The following CLYBL variants were observed in gnomAD, a reference collection of about 807,000 sequenced individuals.
CLYBL encodes citramalyl-CoA lyase.
CLYBL carries 31 observed loss-of-function variants against 38.9 expected under a neutral mutation model. The ratio of observed to expected loss-of-function variants is 0.80; its 90% CI spans 0.60 to 1.08. The LOEUF (loss-of-function observed/expected upper bound fraction) is 1.08. CLYBL is among the 50% of genes least tolerant of loss of function. The pLI is 0.00. For synonymous variants in CLYBL, 171 were observed against 158.6 expected (o/e 1.08, Z -0.59); for missense variants, 434 against 411.6 (o/e 1.05, Z -0.47).
intron 1 of CLYBL, among the ~76,000 whole-genome samples, chr13:99,657,587 T>A (rs2047346933): frequency 6.6e-6 from 1 of 152,098 alleles, no homozygotes; most frequent in African/African-American, 2.4e-5. Context: ...CAGATTGTAG[T>A]TAGATCATAA....
At chr13:99,645,488 ACT>A (rs1320444042) in intron 1 of CLYBL, among the ~76,000 whole-genome samples, 11 of 119,392 alleles carry the variant, frequency 9.2e-5, no homozygotes, top group African/African-American at 3.5e-4. Context: ...ACAGAGCAAG[ACT>A]CTGTCTCAAA....
chr13:99,744,214 C>T (rs1245632357), intron 1 of CLYBL, among the ~76,000 whole-genome samples: 2 of 152,056 alleles, frequency 1.3e-5, no homozygotes, highest in Non-Finnish European at 2.9e-5. Context: ...CCTCGTGATC[C>T]ACCTGCCTCG....
At chr13:99,725,350 C>G (rs539001688) in intron 1 of CLYBL, among the ~76,000 whole-genome samples, 2 of 152,212 alleles carry the variant, frequency 1.3e-5, no homozygotes, top group Non-Finnish European at 2.9e-5. Flanking sequence ...GGGTAAGTTT[C>G]AGGAACTGCT....
intron 1 of CLYBL, among the ~76,000 whole-genome samples, chr13:99,668,305 G>A (rs541340553): frequency 1.1e-4 from 17 of 151,392 alleles, no homozygotes; most frequent in Admixed American, 6.6e-4. Flanking sequence ...GAACACTGGC[G>A]GCCGGGCATG....
intron 1 of CLYBL, among the ~76,000 whole-genome samples, chr13:99,706,237 C>G (rs1393662198): frequency 6.6e-6 from 1 of 152,048 alleles, no homozygotes; most frequent in Non-Finnish European, 1.5e-5. Flanking sequence ...ACGTATTTTG[C>G]CCCAATTTTT....
intron 2 of CLYBL, among the ~76,000 whole-genome samples, chr13:99,845,170 C>G (rs1028351818): frequency 9.2e-5 from 14 of 152,162 alleles, no homozygotes; most frequent in African/African-American, 3.4e-4. Context: ...CTTCATCTCG[C>G]ATGAAGGATA....
intron 1 of CLYBL, among the ~76,000 whole-genome samples, chr13:99,720,775 T>C (rs1247455188): frequency 1.3e-5 from 2 of 152,216 alleles, no homozygotes; most frequent in Non-Finnish European, 2.9e-5. Flanking sequence ...TTTCTCTCTA[T>C]GTGTTCTATA....
Position 99,739,689 on chromosome 13 carries a change from T to C in CLYBL, c.63-33135T>C, listed in dbSNP as rs559284222. Among the ~76,000 whole-genome samples, 5 of 152,330 alleles carry C rather than the reference T, an allele frequency of 3.3e-5. No homozygotes were observed. In the East Asian group the frequency reaches 9.6e-4, roughly 29 times the overall value. ...TTCCATGCCCTAGAAGAACTGTACT[T>C]GTGGCCGGGCATGGTGGCTCACGCC... is the stretch of plus-strand genomic sequence containing the variant. On this transcript the variant is annotated intron_variant, in intron 1 of 8. Transcript: ENST00000339105.
At chr13:99,640,673 A>G (rs2047080335) in intron 1 of CLYBL, among the ~76,000 whole-genome samples, 1 of 152,248 alleles carries the variant, frequency 6.6e-6, no homozygotes, top group African/African-American at 2.4e-5. Flanking sequence ...AAAAGGAAAA[A>G]TTGAGTGTGG....
downstream of CLYBL, chr13:99,896,845 TA>T (rs2052587451): frequency 6.6e-6 from 1 of 152,140 alleles, no homozygotes; most frequent in Non-Finnish European, 1.5e-5. Flanking sequence ...TTGCTGAGAG[TA>T]AAGATGTCGC....
intron 7 of CLYBL, among the ~76,000 whole-genome samples, chr13:99,878,294 T>C (rs764815299): frequency 6.6e-6 from 1 of 152,230 alleles, no homozygotes; most frequent in Non-Finnish European, 1.5e-5. Context: ...AATCTTTCAG[T>C]CTCTTCTAGT....
intron 1 of CLYBL, among the ~76,000 whole-genome samples, chr13:99,663,851 AAG>A (rs1440964303): frequency 8.5e-5 from 13 of 152,204 alleles, no homozygotes; most frequent in East Asian, 1.9e-4. Flanking sequence ...ACCAAAGGGA[AAG>A]AGGGGAAAAT....
intron 1 of CLYBL, among the ~76,000 whole-genome samples, chr13:99,629,717 T>C (rs1042542962): frequency 6.6e-6 from 1 of 152,182 alleles, no homozygotes; most frequent in African/African-American, 2.4e-5. Flanking sequence ...ACAGATGGGA[T>C]TGGGCTGGAG....
intron 1 of CLYBL, among the ~76,000 whole-genome samples, chr13:99,698,158 G>A (rs1013134117): frequency 1.3e-5 from 2 of 151,522 alleles, no homozygotes; most frequent in African/African-American, 2.4e-5. Context: ...TTTTGAAGAC[G>A]TTTTGCCATG....
chr13:99,782,261 C>G (rs893461641), intron 2 of CLYBL, among the ~76,000 whole-genome samples: 1 of 152,170 alleles, frequency 6.6e-6, no homozygotes, highest in Non-Finnish European at 1.5e-5. Flanking sequence ...AATGCCATTA[C>G]TTTGGTAGGC....
At chr13:99,740,103 G>A (rs7989959) in intron 1 of CLYBL, among the ~76,000 whole-genome samples, 95,190 of 152,152 alleles carry the variant, frequency 0.63, 29,956 homozygotes, top group East Asian at 0.69. Context: ...CTGCTTCCCA[G>A]TGGCCATAAA....
At chr13:99,655,370 C>T (rs2047315395) in intron 1 of CLYBL, among the ~76,000 whole-genome samples, 3 of 152,196 alleles carry the variant, frequency 2.0e-5, no homozygotes, top group African/African-American at 7.2e-5. Context: ...GCCACTGCGC[C>T]TGGCCTGGTG....
chr13:99,655,111 T>C (rs934034823), intron 1 of CLYBL, among the ~76,000 whole-genome samples: 1 of 150,938 alleles, frequency 6.6e-6, no homozygotes, highest in Non-Finnish European at 1.5e-5. Flanking sequence ...AGTCTTGCTG[T>C]GTCATCCAGG....
intron 2 of CLYBL, among the ~76,000 whole-genome samples, chr13:99,793,033 A>AAC (rs10631674): frequency 0.063 from 9,232 of 145,950 alleles, 597 homozygotes; most frequent in African/African-American, 0.18. Context: ...GTGCATACAT[A>AAC]ACACACACAC....
Sources: gnomAD v4.1 joint callset for allele counts (sites outside exome capture counted in the v4.1 genomes callset) on GRCh38, gnomAD v4.1.1 for gene constraint, MANE v1.5 for transcripts, NCBI Gene and HGNC (gene_info 2026-07-23, HGNC 2026-07-21) for gene names.